The following NDFIP2 variants were observed in gnomAD, a reference collection of about 807,000 sequenced individuals.
The protein encoded by NDFIP2 is NEDD4 family-interacting protein 2.
A neutral mutation model predicts 36.0 loss-of-function variants in NDFIP2; 19 were observed. That is an observed-to-expected ratio of 0.53 (90% CI 0.37 to 0.77). NDFIP2 has a LOEUF of 0.77. NDFIP2 is among the 30% of genes least tolerant of loss of function. NDFIP2 has a pLI of 0.00. For missense variants in NDFIP2, 446 were observed against 435.8 expected (o/e 1.02, Z -0.21); for synonymous variants, 181 against 167.7 (o/e 1.08, Z -0.61).
chr13:79,551,789 C>T (rs576014362), intron 7 of NDFIP2, among the ~76,000 whole-genome samples: 2 of 151,334 alleles, frequency 1.3e-5, no homozygotes, highest in East Asian at 1.9e-4. Context: ...TATTGTTCAG[C>T]GGGAGTATCT....
At chr13:79,528,620 T>C (rs2137095466) in intron 2 of NDFIP2, among the ~76,000 whole-genome samples, 1 of 152,306 alleles carries the variant, frequency 6.6e-6, no homozygotes, top group South Asian at 2.1e-4. Flanking sequence ...CCTATCCAGG[T>C]CGGCCACTTT....
chr13:79,519,927 A>G (rs1171695761), intron 1 of NDFIP2, among the ~76,000 whole-genome samples: 3 of 152,122 alleles, frequency 2.0e-5, no homozygotes, highest in Non-Finnish European at 2.9e-5. Context: ...CAGCCACCCG[A>G]GTAGCTGGGA....
At chr13:79,492,367 A>T (rs1414575699) in intron 1 of NDFIP2, among the ~76,000 whole-genome samples, 1 of 146,194 alleles carries the variant, frequency 6.8e-6, no homozygotes, top group Non-Finnish European at 1.5e-5. Context: ...TTTTTGTGTG[A>T]TTTCTGTCAA....
Position 79,525,217 on chromosome 13 carries a change from C to T in NDFIP2, c.487+4242C>T, listed in dbSNP as rs147371836. ...AGTGCCTTCTGGTGCAACACATTGC[C>T]ATCAGTCGGAACATGTTTCTGCTTT... is the stretch of plus-strand genomic sequence containing the variant. On this transcript the variant is annotated intron_variant, in intron 2 of 7. Transcript: ENST00000218652. Among the ~76,000 whole-genome samples the T allele has an allele frequency of 3.9e-5, 6 of 152,304 alleles. No individual in the cohort carries two copies. The East Asian group carries it at 1.2e-3, about 29-fold the overall frequency.
At chr13:79,504,235 C>A (rs1474774211) in intron 1 of NDFIP2, among the ~76,000 whole-genome samples, 1 of 152,048 alleles carries the variant, frequency 6.6e-6, no homozygotes, top group Non-Finnish European at 1.5e-5. Flanking sequence ...TAATTTTAGA[C>A]ACAGAAAAAT....
chr13:79,512,743 T>C (rs1302010205), intron 1 of NDFIP2, among the ~76,000 whole-genome samples: 1 of 152,148 alleles, frequency 6.6e-6, no homozygotes, highest in East Asian at 1.9e-4. Flanking sequence ...GTTGTGGGGA[T>C]TGTTAGAAAT....
intron 1 of NDFIP2, among the ~76,000 whole-genome samples, chr13:79,506,336 T>C (rs181590226): frequency 9.7e-4 from 147 of 152,282 alleles, no homozygotes; most frequent in African/African-American, 3.2e-3. Flanking sequence ...GACACAACTC[T>C]GTTACTTCTT....
rs141576818 is a variant in NDFIP2, at chr13:79,542,854, A to T, written c.716-704A>T. 1.7e-3 allele frequency among the ~76,000 whole-genome samples: 261 copies of T among 151,850 alleles called. 2 individuals are homozygous for T. The highest frequency in any genetic ancestry group is 2.0e-3 in the Non-Finnish European group (137 of 67,902). On this transcript the variant is annotated intron_variant, in intron 4 of 7. Transcript: ENST00000218652. ...CCATAAAGTATTTGTCAAGTATTCA[A>T]TTTTATTGTTTTGTTTACCTTTTTT...
At chr13:79,549,631 C>T (rs569071599) in intron 6 of NDFIP2, among the ~76,000 whole-genome samples, 1 of 151,768 alleles carries the variant, frequency 6.6e-6, no homozygotes, top group South Asian at 2.1e-4. Flanking sequence ...AGCCACTGAG[C>T]GATTGGTTTT....
Position 79,524,712 on chromosome 13 carries a change from A to G in NDFIP2, c.487+3737A>G, listed in dbSNP as rs147150356. Among the ~76,000 whole-genome samples the G allele has an allele frequency of 6.2e-4, 95 of 152,316 alleles. 1 individual carries two copies. Among genetic ancestry groups the G allele is most frequent in the African/African-American group, 2.2e-3 (92 of 41,574 alleles). On this transcript the variant is annotated intron_variant, in intron 2 of 7. Transcript: ENST00000218652. ...AAGCATTGGTGGAACCATTCCATAA[A>G]CAAGATAGCTGTCACCCATACTTTC...
Position 79,553,935 on chromosome 13 carries a change from T to G in NDFIP2, c.*1422T>G, listed in dbSNP as rs191800517. ...TGGACCTTATAAAATTGATTTCTTA[T>G]TTATTATTAGACATTACTACTAAAA... On this transcript the variant is annotated 3_prime_UTR_variant, in exon 8 of 8. Coordinates refer to ENST00000218652, the MANE Select transcript of NDFIP2 (RefSeq NM_019080.3). 2.6e-5 allele frequency: 4 copies of G among 151,986 alleles called. No individual in the cohort carries two copies. The highest frequency in any genetic ancestry group is 1.5e-5 in the Non-Finnish European group (1 of 67,582). The allele number at this position is 151,986 out of a possible 1,614,324, so 9.4% of individuals were successfully genotyped here. A position where few individuals can be genotyped will look rare whatever the true frequency, so the allele number is the denominator to read the frequency against.
chr13:79,523,488 G>A (rs893181997), intron 2 of NDFIP2, among the ~76,000 whole-genome samples: 17 of 152,104 alleles, frequency 1.1e-4, no homozygotes, highest in African/African-American at 1.9e-4. Context: ...CCAAAGTGCC[G>A]GGATTACAGG....
At chr13:79,537,092 G>C (rs541102215) in intron 3 of NDFIP2, among the ~76,000 whole-genome samples, 1 of 150,352 alleles carries the variant, frequency 6.7e-6, no homozygotes, top group Non-Finnish European at 1.5e-5. Flanking sequence ...TAAAATTTCT[G>C]TATTGATTTT....
chr13:79,540,871 T>C (rs1220593565), intron 4 of NDFIP2, among the ~76,000 whole-genome samples: 1 of 152,204 alleles, frequency 6.6e-6, no homozygotes, highest in Non-Finnish European at 1.5e-5. Flanking sequence ...ATATGCAAGA[T>C]TTAAATCTTA....
chr13:79,509,597 C>G (rs1288456811), intron 1 of NDFIP2, among the ~76,000 whole-genome samples: 1 of 151,906 alleles, frequency 6.6e-6, no homozygotes, highest in East Asian at 1.9e-4. Context: ...TACAGGTTAA[C>G]TTTGGAAGGC....
At chr13:79,539,798 T>TTTGGG in intron 4 of NDFIP2, 23 bp downstream of exon 4, 2 of 1,602,018 alleles carry the variant, frequency 1.2e-6, no homozygotes, top group Non-Finnish European at 1.7e-6. Context: ...CCTAAACTAT[T>TTTGGG]TTGGGTTGTT....
chr13:79,527,824 G>T (rs1408492455), intron 2 of NDFIP2, among the ~76,000 whole-genome samples: 1 of 152,160 alleles, frequency 6.6e-6, no homozygotes, highest in Non-Finnish European at 1.5e-5. Flanking sequence ...GAAGGCATTT[G>T]TTATCATAGG....
Position 79,539,726 on chromosome 13 carries a change from A to G in NDFIP2, c.666A>G (p.Ala222=), listed in dbSNP as rs1875383707. ...ECPPRDDFSD[A]DQLRVGNDGI... ...CACCAAGAGATGACTTCAGTGATGCAGACCAGCTCAGAGTGGGGAATGATG... is the reference window on the plus strand; with the variant it reads ...CACCAAGAGATGACTTCAGTGATGCGGACCAGCTCAGAGTGGGGAATGATG... Residue 222 remains alanine, a synonymous_variant, in exon 4 of 8, where the codon GCA becomes GCG. Transcript: ENST00000218652. 1 of 1,613,876 alleles carries G rather than the reference A, an allele frequency of 6.2e-7. No homozygotes were observed. Among genetic ancestry groups the G allele is most frequent in the Admixed American group, 1.7e-5 (1 of 60,018 alleles).
chr13:79,490,848 T>C (rs1220067217), intron 1 of NDFIP2, among the ~76,000 whole-genome samples: 2 of 152,218 alleles, frequency 1.3e-5, no homozygotes, highest in Non-Finnish European at 2.9e-5. Context: ...GCCAAGCACC[T>C]AGTCTGTCCT....
Sources: gnomAD v4.1 joint callset for allele counts (sites outside exome capture counted in the v4.1 genomes callset) on GRCh38, gnomAD v4.1.1 for gene constraint, MANE v1.5 for transcripts, NCBI Gene and HGNC (gene_info 2026-07-23, HGNC 2026-07-21) for gene names.